Variants in RCAN2 observed in about 807,000 individuals in gnomAD.
The protein encoded by RCAN2 is regulator of calcineurin 2, also known as calcipressin-2.
In RCAN2, 9 loss-of-function variants were observed where a neutral mutation model predicts 23.6. The observed-to-expected ratio is 0.38, with a 90% CI of 0.23 to 0.67. The LOEUF is 0.67. Among genes scored for constraint, RCAN2 ranks in the 30% least tolerant of loss-of-function variants. The pLI is 0.51. For missense variants in RCAN2, 273 were observed against 302.3 expected (o/e 0.90, Z 0.72); for synonymous variants, 109 against 115.7 (o/e 0.94, Z 0.37).
rs955154697 is a variant in RCAN2, at chr6:46,231,918, T to C, written c.572-8617A>G. 2.0e-5 allele frequency among the ~76,000 whole-genome samples: 3 copies of C among 152,276 alleles called. No homozygotes were observed. In the South Asian group the frequency reaches 6.2e-4, roughly 32 times the overall value. ...TACAACTCCAGCATTTCCCTGGATA[T>C]TGATAGTACAGAGAAATAGAACCAG... On this transcript the variant is annotated intron_variant, in intron 4 of 4. Coordinates refer to ENST00000371374, the MANE Select transcript of RCAN2 (RefSeq NM_001251974.2).
intron 2 of RCAN2, among the ~76,000 whole-genome samples, chr6:46,259,767 A>C (rs1767048717): frequency 6.6e-6 from 1 of 152,138 alleles, no homozygotes; most frequent in Admixed American, 6.5e-5. Flanking sequence ...ACTAGTTATA[A>C]ATTGGAAGTT....
chr6:46,286,869 G>A (rs1762391323), intron 2 of RCAN2, among the ~76,000 whole-genome samples: 2 of 152,138 alleles, frequency 1.3e-5, no homozygotes, highest in African/African-American at 4.8e-5. Flanking sequence ...GCTGGGTGTG[G>A]TGGCACACGC....
chr6:46,455,964 A>G (rs1298474407), intron 2 of RCAN2, among the ~76,000 whole-genome samples: 1 of 152,164 alleles, frequency 6.6e-6, no homozygotes, highest in Non-Finnish European at 1.5e-5. Flanking sequence ...GGCTTTTACA[A>G]CTAAGAATCT....
chr6:46,446,123 A>G (rs1372072283), intron 2 of RCAN2, among the ~76,000 whole-genome samples: 3 of 151,914 alleles, frequency 2.0e-5, no homozygotes, highest in African/African-American at 4.8e-5. Flanking sequence ...TTATAATCAA[A>G]TTGTCAAAAA....
chr6:46,442,305 C>T (rs1345415800), intron 2 of RCAN2, among the ~76,000 whole-genome samples: 2 of 152,194 alleles, frequency 1.3e-5, no homozygotes, highest in African/African-American at 4.8e-5. Flanking sequence ...ATTTTCATGG[C>T]CCCCACGATG....
chr6:46,412,286 G>C (rs1166444674), intron 2 of RCAN2, among the ~76,000 whole-genome samples: 2 of 152,308 alleles, frequency 1.3e-5, no homozygotes, highest in East Asian at 1.9e-4. Context: ...GAGCTTTCTG[G>C]TGGGATATCT....
rs77828206 is a variant in RCAN2, at chr6:46,222,499, T to C, written c.*642A>G. Reference sequence around the variant, plus strand: ...CCAAGGTCAATTTTGCCTCCAGGAATTTCAACAGAGCTATGGTGTATTGAC... The same window carrying C: ...CCAAGGTCAATTTTGCCTCCAGGAACTTCAACAGAGCTATGGTGTATTGAC... On this transcript the variant is annotated 3_prime_UTR_variant, in exon 5 of 5. Coordinates refer to ENST00000371374, the MANE Select transcript of RCAN2 (RefSeq NM_001251974.2). 2,337 of 153,180 alleles carry C rather than the reference T, an allele frequency of 0.015. 20 individuals carry two copies. Among genetic ancestry groups the C allele is most frequent in the Non-Finnish European group, 0.025 (1,691 of 68,368 alleles). 9.5% of individuals were successfully genotyped at this position (153,180 alleles called of 1,614,324 possible). A position where few individuals can be genotyped will look rare whatever the true frequency, so the allele number is the denominator to read the frequency against.
At chr6:46,452,567 C>A (rs549972455) in intron 2 of RCAN2, among the ~76,000 whole-genome samples, 1 of 152,238 alleles carries the variant, frequency 6.6e-6, no homozygotes, top group South Asian at 2.1e-4. Context: ...AAATTCTTGG[C>A]CTAGAAATCA....
Position 46,221,886 on chromosome 6 carries a change from A to G in RCAN2, c.*1255T>C. On this transcript the variant is annotated 3_prime_UTR_variant, in exon 5 of 5. Transcript: ENST00000371374. ...TCTGTAATGCACTTTGGGCTAGAGAAATAGAAAAATCACACGTAACAAAAA... is the reference window on the plus strand; with the variant it reads ...TCTGTAATGCACTTTGGGCTAGAGAGATAGAAAAATCACACGTAACAAAAA... 2 of 398,454 alleles carry G rather than the reference A, an allele frequency of 5.0e-6. No homozygotes were observed. Among genetic ancestry groups the G allele is most frequent in the East Asian group, 7.1e-5 (2 of 28,078 alleles). 24.7% of individuals were successfully genotyped at this position (398,454 alleles called of 1,614,324 possible).
chr6:46,292,873 G>T (rs1219644212), intron 2 of RCAN2, among the ~76,000 whole-genome samples: 1 of 151,888 alleles, frequency 6.6e-6, no homozygotes, highest in Non-Finnish European at 1.5e-5. Flanking sequence ...CCCTCCCCTA[G>T]CCCTCCACCC....
chr6:46,230,278 G>C (rs535875466), intron 4 of RCAN2, among the ~76,000 whole-genome samples: 7 of 152,280 alleles, frequency 4.6e-5, no homozygotes, highest in Non-Finnish European at 1.0e-4. Flanking sequence ...CTCCGTGCTT[G>C]GAGAACCACT....
chr6:46,427,492 T>C (rs933494719), intron 2 of RCAN2, among the ~76,000 whole-genome samples: 8 of 152,230 alleles, frequency 5.3e-5, no homozygotes, highest in African/African-American at 1.9e-4. Flanking sequence ...GCCAGGAATA[T>C]AGTGTTCAGA....
intron 2 of RCAN2, among the ~76,000 whole-genome samples, chr6:46,417,754 C>T (rs949496704): frequency 6.6e-6 from 1 of 152,110 alleles, no homozygotes; most frequent in Non-Finnish European, 1.5e-5. Flanking sequence ...CGAACTAAAA[C>T]GCTGTCTTAA....
At chr6:46,320,415 T>G (rs1007435930) in intron 2 of RCAN2, among the ~76,000 whole-genome samples, 1 of 152,210 alleles carries the variant, frequency 6.6e-6, no homozygotes, top group Non-Finnish European at 1.5e-5. Context: ...ACAAGTGATT[T>G]GAAATGTCCA....
intron 2 of RCAN2, among the ~76,000 whole-genome samples, chr6:46,318,553 G>C (rs781070170): frequency 6.6e-6 from 1 of 152,044 alleles, no homozygotes; most frequent in African/African-American, 2.4e-5. Flanking sequence ...GTTTCCTTTA[G>C]CAATTGTTCA....
chr6:46,349,398 G>A (rs1040281030), intron 2 of RCAN2, among the ~76,000 whole-genome samples: 18 of 152,086 alleles, frequency 1.2e-4, no homozygotes, highest in African/African-American at 4.3e-4. Context: ...ACACACAATG[G>A]CCTGTTGCAG....
At position 46,260,553 on chromosome 6, in the gene RCAN2, G is replaced by A. The variant is rs148580672; in HGVS notation, c.226-11657C>T. 4.4e-3 allele frequency among the ~76,000 whole-genome samples: 674 copies of A among 152,300 alleles called. 6 individuals carry two copies. Among genetic ancestry groups the A allele is most frequent in the African/African-American group, 0.015 (629 of 41,576 alleles). ...AGGGGCAGGTGACAAGAGAGGAACC[G>A]AAAGGCAGCATAGTTTGCATGCCTA... On this transcript the variant is annotated intron_variant, in intron 2 of 4. Transcript: ENST00000371374.
intron 2 of RCAN2, among the ~76,000 whole-genome samples, chr6:46,310,485 T>C (rs73735748): frequency 0.028 from 4,260 of 152,116 alleles, 182 homozygotes; most frequent in African/African-American, 0.096. Context: ...ATGAGAAGCA[T>C]GCAGTGTCCC....
At chr6:46,316,468 A>G (rs1268542860) in intron 2 of RCAN2, among the ~76,000 whole-genome samples, 3 of 152,174 alleles carry the variant, frequency 2.0e-5, no homozygotes, top group Admixed American at 6.5e-5. Context: ...TGGAGACTAG[A>G]CTTCCTTCTC....
Sources: gnomAD v4.1 joint callset for allele counts (sites outside exome capture counted in the v4.1 genomes callset) on GRCh38, gnomAD v4.1.1 for gene constraint, MANE v1.5 for transcripts, NCBI Gene and HGNC (gene_info 2026-07-23, HGNC 2026-07-21) for gene names.